Variants in OR56A4 observed in about 807,000 individuals in gnomAD.
OR56A4 encodes olfactory receptor 56A4.
In OR56A4, 9 loss-of-function variants were observed where a neutral mutation model predicts 13.6. That is an observed-to-expected ratio of 0.66 (90% CI 0.40 to 1.15). OR56A4 has a LOEUF of 1.15. Among genes scored for constraint, OR56A4 ranks in the 50% most tolerant of loss-of-function variants. OR56A4 has a pLI of 0.01. For synonymous variants in OR56A4, 167 were observed against 153.9 expected, an observed-to-expected ratio of 1.08 and a Z score of -0.63; for missense variants, 380 against 375.9, an observed-to-expected ratio of 1.01 and a Z score of -0.09.
chr11:6,006,171 T>C (rs1245458472), intron 2 of OR56A4, 78 bp downstream of exon 2: 1 of 152,170 alleles, frequency 6.6e-6, no homozygotes, highest in Non-Finnish European at 1.5e-5. Flanking sequence ...CAGGAAGACA[T>C]ATGTTCTTTT....
At position 6,002,679 on chromosome 11, in the gene OR56A4, A is replaced by C; in HGVS notation, c.314T>G (p.Phe105Cys). ...ISFPACFLQM[F>C]IMNSFLTMES... is the part of the protein sequence containing the mutation. ...CATGGTCAAAAAACTGTTCATGATGAACATCTGGAGGAAGCAGGCTGGGAA... is the reference window on the plus strand; with the variant it reads ...CATGGTCAAAAAACTGTTCATGATGCACATCTGGAGGAAGCAGGCTGGGAA... Residue 105 changes from phenylalanine (F) to cysteine (C), a missense_variant, in exon 3 of 3, where the codon TTC (phenylalanine) becomes TGC (cysteine). Coordinates refer to ENST00000641156, the MANE Select transcript of OR56A4 (RefSeq NM_001005179.4). 1 of 1,614,240 alleles carries C rather than the reference A, an allele frequency of 6.2e-7. No homozygotes were observed. The highest frequency in any genetic ancestry group is 8.5e-7 in the Non-Finnish European group (1 of 1,180,050).
Position 6,002,841 on chromosome 11 carries a change from G to T in OR56A4, c.152C>A (p.Thr51Asn), listed in dbSNP as rs1020367117. Residue 51 changes from threonine to asparagine, a missense_variant, in exon 3 of 3, where the codon ACC becomes AAC. Thr to Asn is a moderately conservative substitution (Grantham distance 65). Coordinates refer to ENST00000641156, the MANE Select transcript of OR56A4 (RefSeq NM_001005179.4). Reference protein sequence around the residue: ...AMGANTTLLITIQLEASLHQP... With the variant: ...AMGANTTLLINIQLEASLHQP... Reference sequence around the variant, plus strand: ...GTGCAGAGAGGCCTCCAGCTGGATGGTGATCAGGAGGGTGGTGTTAGCTCC... The same window carrying T: ...GTGCAGAGAGGCCTCCAGCTGGATGTTGATCAGGAGGGTGGTGTTAGCTCC... The T allele has an allele frequency of 8.7e-6, 14 of 1,613,896 alleles. No homozygotes were observed. The highest frequency in any genetic ancestry group is 6.7e-5 in the Admixed American group (4 of 60,002).
rs73404143 is a variant in OR56A4, at chr11:6,004,702, A to G, written c.-37+1547T>C. Among the ~76,000 whole-genome samples, 923 of 152,322 alleles carry G rather than the reference A, an allele frequency of 6.1e-3. 9 individuals are homozygous for G. The highest frequency in any genetic ancestry group is 0.021 in the African/African-American group (879 of 41,588). On this transcript the variant is annotated intron_variant, in intron 2 of 2. Coordinates refer to ENST00000641156, the MANE Select transcript of OR56A4 (RefSeq NM_001005179.4). ...CTGCCCTGCATTTCAATATCTGATT[A>G]GGAAAATGACCCTCAGTGTGAATTT...
At chr11:6,003,396 A>G (rs990052491) in intron 2 of OR56A4, among the ~76,000 whole-genome samples, 1 of 152,138 alleles carries the variant, frequency 6.6e-6, no homozygotes, top group Non-Finnish European at 1.5e-5. Context: ...CTTTACTAAT[A>G]TTTACTTTAC....
At position 6,006,254 on chromosome 11, in the gene OR56A4, A is replaced by G. The variant is rs1321318009; in HGVS notation, c.-42T>C. The G allele has an allele frequency of 6.6e-6, 1 of 152,184 alleles. No individual in the cohort carries two copies. Among genetic ancestry groups the G allele is most frequent in the East Asian group, 1.9e-4 (1 of 5,204 alleles). 9.4% of individuals were successfully genotyped at this position (152,184 alleles called of 1,614,324 possible). On this transcript the variant is annotated 5_prime_UTR_variant, in exon 2 of 3. Transcript: ENST00000641156. ...CAGCCTTGTTTCATAGTTACCTTGT[A>G]ATTCCTTAATAGCTGGAATGATTTT...
chr11:6,002,708 G>A lies in OR56A4; in HGVS notation c.285C>T (p.Ile95=). 1 of 1,614,252 alleles carries A rather than the reference G, an allele frequency of 6.2e-7. No homozygotes were observed. The highest frequency in any genetic ancestry group is 8.5e-7 in the Non-Finnish European group (1 of 1,180,038). The change falls in exon 3 of 3, where the codon ATC becomes ATT. Residue 95 remains isoleucine, a synonymous_variant. Coordinates refer to ENST00000641156, the MANE Select transcript of OR56A4 (RefSeq NM_001005179.4). ...TCTGGAGGAAGCAGGCTGGGAAGCTGATCGACCTGAGGTCAAACCAGAAGA... is the reference window on the plus strand; with the variant it reads ...TCTGGAGGAAGCAGGCTGGGAAGCTAATCGACCTGAGGTCAAACCAGAAGA... ...LAIFWFDLRS[I]SFPACFLQMF...
At position 6,001,798 on chromosome 11, in the gene OR56A4, T is replaced by C; in HGVS notation, c.*253A>G. 2.5e-6 allele frequency: 1 copy of C among 397,692 alleles called. No homozygotes were observed. Among genetic ancestry groups the C allele is most frequent in the Admixed American group, 4.1e-5 (1 of 24,360 alleles). 24.6% of individuals were successfully genotyped at this position (397,692 alleles called of 1,614,324 possible). On this transcript the variant is annotated 3_prime_UTR_variant, in exon 3 of 3. Transcript: ENST00000641156. ...TTGTCAAAGTCTTGGCAAGATTCTT[T>C]GTTGCAGATTAGATCAGGAAAAATT...
rs1665986937 is a variant in OR56A4 at position 6,000,688 on chromosome 11, G to A, written c.*1363C>T. The A allele has an allele frequency of 1.3e-5, 2 of 152,182 alleles. No homozygotes were observed. The highest frequency in any genetic ancestry group is 1.3e-4 in the Admixed American group (2 of 15,274). 9.4% of individuals were successfully genotyped at this position (152,182 alleles called of 1,614,324 possible). A position where few individuals can be genotyped will look rare whatever the true frequency, so the allele number is the denominator to read the frequency against. On this transcript the variant is annotated 3_prime_UTR_variant, in exon 3 of 3. Transcript: ENST00000641156. Reference sequence around the variant, plus strand: ...ATGGTGATAATGGTAAAAGAAGGCTGATGTGAGAAGCATCAAATGATTGAA... The same window carrying A: ...ATGGTGATAATGGTAAAAGAAGGCTAATGTGAGAAGCATCAAATGATTGAA...
Position 6,002,893 on chromosome 11 carries a change from G to C in OR56A4, c.100C>G (p.Leu34Val), listed in dbSNP as rs1408294251. The C allele has an allele frequency of 1.2e-6, 2 of 1,614,128 alleles. No individual in the cohort carries two copies. The highest frequency in any genetic ancestry group is 8.5e-7 in the Non-Finnish European group (1 of 1,179,992). The change falls in exon 3 of 3, where the codon CTC becomes GTC. Residue 34 changes from leucine to valine, a missense_variant. Physicochemically the swap from Leu to Val is conservative, Grantham distance 32. Transcript: ENST00000641156. ...ATGGCCAGGAGGAAGAGAAGGCTGA[G>C]GGGCAGAGACAACCAGTGCTGCCAG... ...QSWQHWLSLP[L>V]SLLFLLAMGA...
chr11:6,002,987 T>C lies in OR56A4; in HGVS notation c.6A>G (p.Ala2=), dbSNP rs747895571. The C allele has an allele frequency of 6.8e-6, 11 of 1,614,108 alleles. No homozygotes were observed. Among genetic ancestry groups the C allele is most frequent in the Admixed American group, 5.0e-5 (3 of 60,020 alleles). The change falls in exon 3 of 3, where the codon GCA becomes GCG. Residue 2 remains alanine (A), a synonymous_variant. Coordinates refer to ENST00000641156, the MANE Select transcript of OR56A4 (RefSeq NM_001005179.4). ...GGGCAGTGGAGTCATTGCTGGGAGA[T>C]GCCATGTAAAGTTTCCTGATCAATC... is the stretch of plus-strand genomic sequence containing the variant. M[A]SPSNDSTAPV...
intron 2 of OR56A4, among the ~76,000 whole-genome samples, chr11:6,005,865 T>C (rs773803726): frequency 3.3e-5 from 5 of 152,172 alleles, no homozygotes; most frequent in Non-Finnish European, 7.3e-5. Flanking sequence ...ACCATCATCT[T>C]GGAGGTGGGA....
At chr11:6,004,896 A>C (rs1290283470) in intron 2 of OR56A4, among the ~76,000 whole-genome samples, 1 of 152,232 alleles carries the variant, frequency 6.6e-6, no homozygotes, top group Non-Finnish European at 1.5e-5. Context: ...ATAATTAAGC[A>C]AAAACCATTA....
At chr11:6,004,680 C>A (rs1003716900) in intron 2 of OR56A4, among the ~76,000 whole-genome samples, 6 of 152,108 alleles carry the variant, frequency 3.9e-5, no homozygotes, top group African/African-American at 1.2e-4. Context: ...ATCAGTTCTG[C>A]CCTGCATTTC....
In OR56A4 at chr11:6,002,263, A is replaced by T; in HGVS notation, c.730T>A (p.Cys244Ser). The T allele has an allele frequency of 1.2e-6, 2 of 1,614,212 alleles. No individual in the cohort carries two copies. The highest frequency in any genetic ancestry group is 2.2e-5 in the South Asian group (2 of 91,078). ...AGGATGAGGATGAAGTGGGAACCAC[A>T]CGTGCTCAAGGCCTTGGCCACAGCA... ...EGAVAKALST[C>S]GSHFILILFF... The change falls in exon 3 of 3, where the codon TGT becomes AGT. Residue 244 changes from cysteine (C) to serine (S), a missense_variant. Transcript: ENST00000641156.
chr11:6,006,042 GGA>G, intron 2 of OR56A4, among the ~76,000 whole-genome samples: 1 of 152,172 alleles, frequency 6.6e-6, no homozygotes, highest in East Asian at 1.9e-4. Flanking sequence ...CCATGTAAAT[GGA>G]GAAGAAAGAG....
At position 6,005,052 on chromosome 11, in the gene OR56A4, G is replaced by A. The variant is rs565163965; in HGVS notation, c.-37+1197C>T. Among the ~76,000 whole-genome samples the A allele has an allele frequency of 5.4e-4, 82 of 152,218 alleles. No homozygotes were observed. The South Asian group carries it at 0.016, about 30-fold the overall frequency. ...GCAGTGTAATGTGGTTTAAAAGTTA[G>A]CCTCAAGCAGAAACAAATGACAATT... On this transcript the variant is annotated intron_variant, in intron 2 of 2. Coordinates refer to ENST00000641156, the MANE Select transcript of OR56A4 (RefSeq NM_001005179.4).
Position 6,000,628 on chromosome 11 carries a change from TAAAA to T in OR56A4, c.*1419_*1422del, listed in dbSNP as rs1193507181. The T allele has an allele frequency of 1.3e-5, 2 of 151,724 alleles. No individual in the cohort carries two copies. Among genetic ancestry groups the T allele is most frequent in the Non-Finnish European group, 2.9e-5 (2 of 67,926 alleles). 9.4% of individuals were successfully genotyped at this position (151,724 alleles called of 1,614,324 possible). A position where few individuals can be genotyped will look rare whatever the true frequency, so the allele number is the denominator to read the frequency against. On this transcript the variant is annotated 3_prime_UTR_variant, in exon 3 of 3. Transcript: ENST00000641156. ...TAAAACATAATAAAAAAATAAAAAA[TAAAA>T]AAACCTGGTAGGAAAGATGGGGTTT...
chr11:6,000,613 TA>T lies in OR56A4; in HGVS notation c.*1437del, dbSNP rs897510650. 5 of 151,504 alleles carry T rather than the reference TA, an allele frequency of 3.3e-5. No homozygotes were observed. Among genetic ancestry groups the T allele is most frequent in the African/African-American group, 4.9e-5 (2 of 41,174 alleles). The allele number at this position is 151,504 out of a possible 1,614,324, so 9.4% of individuals were successfully genotyped here. On this transcript the variant is annotated 3_prime_UTR_variant, in exon 3 of 3. Transcript: ENST00000641156. ...ATGTACTCTAAAACTTAAAACATAA[TA>T]AAAAAATAAAAAATAAAAAAACCTG...
At chr11:6,004,879 A>G (rs977581269) in intron 2 of OR56A4, among the ~76,000 whole-genome samples, 3 of 152,218 alleles carry the variant, frequency 2.0e-5, no homozygotes, top group African/African-American at 7.2e-5. Context: ...AGACAGCAGT[A>G]CGTTGCATAA....
Sources: allele counts gnomAD v4.1 joint callset (sites outside exome capture counted in the v4.1 genomes callset), GRCh38; gene constraint gnomAD v4.1.1; transcripts MANE v1.5; gene names NCBI Gene and HGNC (gene_info 2026-07-23, HGNC 2026-07-21).